NAV2: variants seen among roughly 807,000 people sequenced by gnomAD.
NAV2 encodes the protein helicase, APC down-regulated 1.
Under a neutral mutation model 223.2 loss-of-function variants are expected in NAV2, and 54 were observed. The ratio of observed to expected loss-of-function variants is 0.24; its 90% CI spans 0.19 to 0.30. The LOEUF is 0.30. NAV2 is among the 10% of genes least tolerant of loss of function. The pLI, the probability that NAV2 is intolerant of heterozygous loss-of-function variation, is 1.00. For synonymous variants in NAV2, 1,279 were observed against 1,239.3 expected (o/e 1.03, Z -0.67); for missense variants, 2,806 against 3,147.5 (o/e 0.89, Z 2.60).
chr11:19,833,571 C>G (rs909266029), intron 2 of NAV2, among the ~76,000 whole-genome samples: 1 of 152,154 alleles, frequency 6.6e-6, no homozygotes, highest in Non-Finnish European at 1.5e-5. Context: ...CTCCTTTTTC[C>G]TCCTCTCCCT....
At chr11:19,768,166 C>A (rs1392787478) in intron 1 of NAV2, among the ~76,000 whole-genome samples, 3 of 152,226 alleles carry the variant, frequency 2.0e-5, no homozygotes, top group Admixed American at 1.3e-4. Flanking sequence ...CGTTGAGTGG[C>A]TCTCAGGAAA....
Position 20,092,191 on chromosome 11 carries a change from C to T in NAV2, c.5653-15C>T, listed in dbSNP as rs775639073. The T allele has an allele frequency of 2.5e-6, 4 of 1,611,728 alleles. No individual in the cohort carries two copies. The African/African-American group carries it at 5.3e-5, about 22-fold the overall frequency. ...CTTCTGCCTACTAAGGGAGCTTCTCCATTACTCTTTGCAGAGTGAAATAGA... is the reference window on the plus strand; with the variant it reads ...CTTCTGCCTACTAAGGGAGCTTCTCTATTACTCTTTGCAGAGTGAAATAGA... On this transcript the variant is annotated splice_polypyrimidine_tract_variant and intron_variant, in intron 27 of 37. Transcript: ENST00000349880.
chr11:20,021,620 G>A (rs912269210), intron 11 of NAV2, among the ~76,000 whole-genome samples: 3 of 152,106 alleles, frequency 2.0e-5, no homozygotes, highest in African/African-American at 7.2e-5. Flanking sequence ...CAGAACTTGG[G>A]TCTGTCCCAA....
chr11:19,538,959 T>C (rs2044264601), intron 1 of NAV2, among the ~76,000 whole-genome samples: 1 of 152,102 alleles, frequency 6.6e-6, no homozygotes, highest in African/African-American at 2.4e-5. Flanking sequence ...TCTTGTTCAA[T>C]ACAATATTTC....
intron 1 of NAV2, chr11:19,575,414 C>G (rs759472956): frequency 6.5e-6 from 1 of 154,296 alleles, no homozygotes; most frequent in Non-Finnish European, 1.5e-5. Context: ...TGGGCTCCTA[C>G]AGCAGCCAGA....
chr11:19,497,832 TAA>T (rs1433204952), intron 1 of NAV2, among the ~76,000 whole-genome samples: 30 of 152,116 alleles, frequency 2.0e-4, no homozygotes, highest in African/African-American at 7.0e-4. Context: ...ATCACTGTGT[TAA>T]GTCAGGGATT....
intron 1 of NAV2, among the ~76,000 whole-genome samples, chr11:19,473,881 G>A (rs2042038442): frequency 6.6e-6 from 1 of 152,090 alleles, no homozygotes; most frequent in African/African-American, 2.4e-5. Context: ...GACCATTTTT[G>A]CCAAGAATTG....
At chr11:19,582,918 T>C (rs1031867901) in intron 1 of NAV2, among the ~76,000 whole-genome samples, 1 of 152,238 alleles carries the variant, frequency 6.6e-6, no homozygotes, top group Non-Finnish European at 1.5e-5. Context: ...GTGAAGAAAG[T>C]CATTGATAGC....
intron 1 of NAV2, among the ~76,000 whole-genome samples, chr11:19,628,166 C>T (rs753293890): frequency 3.3e-5 from 5 of 152,160 alleles, no homozygotes; most frequent in South Asian, 2.1e-4. Context: ...GCTCCCCATC[C>T]GGTCAGGAAG....
intron 1 of NAV2, among the ~76,000 whole-genome samples, chr11:19,604,142 G>A (rs74939514): frequency 0.026 from 3,987 of 152,236 alleles, 146 homozygotes; most frequent in African/African-American, 0.082. Flanking sequence ...GTGAGATAGG[G>A]GGCTTTGGAG....
chr11:20,012,570 G>A, intron 11 of NAV2, among the ~76,000 whole-genome samples: 1 of 152,006 alleles, frequency 6.6e-6, no homozygotes, highest in East Asian at 1.9e-4. Context: ...AGCTACTCGG[G>A]AGGCTGAGGC....
chr11:19,965,172 G>T (rs1447872242), intron 10 of NAV2, among the ~76,000 whole-genome samples: 1 of 151,360 alleles, frequency 6.6e-6, no homozygotes, highest in Admixed American at 6.6e-5. Flanking sequence ...TCCTGTTGAG[G>T]ACACAGGGAT....
intron 1 of NAV2, among the ~76,000 whole-genome samples, chr11:19,814,482 A>G (rs2152823043): frequency 6.6e-6 from 1 of 152,336 alleles, no homozygotes; most frequent in African/African-American, 2.4e-5. Flanking sequence ...ATTTGGGAGC[A>G]TGCATTCACA....
intron 1 of NAV2, among the ~76,000 whole-genome samples, chr11:19,484,765 A>T (rs1262416012): frequency 6.6e-6 from 1 of 152,168 alleles, no homozygotes; most frequent in Non-Finnish European, 1.5e-5. Flanking sequence ...TCAGGCAGAG[A>T]AAGTGTTGAT....
chr11:19,512,515 G>A (rs1053348292), intron 1 of NAV2, among the ~76,000 whole-genome samples: 1 of 152,072 alleles, frequency 6.6e-6, no homozygotes, highest in African/African-American at 2.4e-5. Context: ...AAAAGGAAGG[G>A]TCCCATCCCC....
intron 1 of NAV2, among the ~76,000 whole-genome samples, chr11:19,769,766 C>T (rs969418189): frequency 2.0e-5 from 3 of 152,152 alleles, no homozygotes; most frequent in Non-Finnish European, 4.4e-5. Context: ...TTTTTTAACC[C>T]ACTTCAAGGC....
chr11:19,863,448 G>A (rs908069722), intron 3 of NAV2, among the ~76,000 whole-genome samples: 33 of 152,140 alleles, frequency 2.2e-4, no homozygotes, highest in African/African-American at 7.5e-4. Flanking sequence ...CACTCTTGGT[G>A]CCTGGCTAAC....
At chr11:19,833,419 G>C (rs991825871) in intron 2 of NAV2, among the ~76,000 whole-genome samples, 3 of 152,236 alleles carry the variant, frequency 2.0e-5, no homozygotes, top group African/African-American at 7.2e-5. Flanking sequence ...GCTCAAATCC[G>C]TGGAGTACGT....
intron 1 of NAV2, among the ~76,000 whole-genome samples, chr11:19,805,964 G>A (rs932061684): frequency 2.6e-5 from 4 of 152,172 alleles, no homozygotes; most frequent in Non-Finnish European, 5.9e-5. Flanking sequence ...GAAACCATGC[G>A]TGTCTGATTT....
Sources: allele counts gnomAD v4.1 joint callset (sites outside exome capture counted in the v4.1 genomes callset), GRCh38; gene constraint gnomAD v4.1.1; transcripts MANE v1.5; gene names NCBI Gene and HGNC (gene_info 2026-07-23, HGNC 2026-07-21).